NLRC5: variants seen among roughly 807,000 people sequenced by gnomAD.
NLRC5 encodes protein NLRC5.
NLRC5 carries 114 observed loss-of-function variants against 206.9 expected under a neutral mutation model. The ratio of observed to expected loss-of-function variants is 0.55; its 90% CI spans 0.47 to 0.64. NLRC5 has a LOEUF of 0.64. Ranked by LOEUF, NLRC5 falls within the 30% of genes least tolerant of loss-of-function variation. The probability of loss-of-function intolerance (pLI) is 0.00; values close to 1 mark genes in which losing one functional copy is unlikely to be tolerated. For missense variants in NLRC5, 2,008 were observed against 2,305.5 expected (o/e 0.87, Z 2.64); for synonymous variants, 952 against 962.8 (o/e 0.99, Z 0.21).
intron 13 of NLRC5, among the ~76,000 whole-genome samples, chr16:57,035,712 G>A (rs563418212): frequency 1.0e-3 from 154 of 152,174 alleles, no homozygotes; most frequent in Non-Finnish European, 1.9e-3. Flanking sequence ...ATCACAAAAA[G>A]CAATTATGTA....
rs773443195 is a variant in NLRC5 at position 57,026,072 on chromosome 16, A to C, written c.1129A>C (p.Asn377His). The C allele has an allele frequency of 6.2e-7, 1 of 1,614,090 alleles. No individual in the cohort carries two copies. Among genetic ancestry groups the C allele is most frequent in the East Asian group, 2.2e-5 (1 of 44,864 alleles). Residue 377 changes from asparagine (N) to histidine (H), a missense_variant, in exon 6 of 49, where the codon AAT becomes CAT. By Grantham distance (68) the Asn-to-His change is moderately conservative (BLOSUM62 1). Coordinates refer to ENST00000688547, the MANE Select transcript of NLRC5 (RefSeq NM_001384950.1). The stretch of plus-strand genomic sequence containing the variant: ...TGGGCCACGGGTGGAAGAATATGTG[A>C]ATCACTTCTTCAGCGCCCAGCCATC... The part of the protein sequence containing the change: ...FDGPRVEEYV[N>H]HFFSAQPSRE...
rs1241802402 is a variant in NLRC5 at position 57,026,848 on chromosome 16, C to T, written c.1905C>T (p.Leu635=). ...TGGCCAGTCTCACCGCACAAAGCCT[C>T]CCCTATCAACTGCCCTTCCACAATT... ...PELASLTAQS[L]PYQLPFHNFP... is the part of the protein sequence containing the mutation. The change falls in exon 6 of 49, where the codon CTC becomes CTT. Residue 635 remains leucine (L), a synonymous_variant. Coordinates refer to ENST00000688547, the MANE Select transcript of NLRC5 (RefSeq NM_001384950.1). 1.2e-6 allele frequency: 2 copies of T among 1,614,118 alleles called. No homozygotes were observed. The highest frequency in any genetic ancestry group is 8.5e-7 in the Non-Finnish European group (1 of 1,180,050).
intron 20 of NLRC5, chr16:57,043,883 A>AT (rs11477564): frequency 3.4e-3 from 1,311 of 385,448 alleles, no homozygotes; most frequent in South Asian, 3.8e-3. Context: ...GTCCTTAGAG[A>AT]TTTTTTTTTT....
intron 38 of NLRC5, among the ~76,000 whole-genome samples, chr16:57,073,275 C>G (rs57493853): frequency 0.017 from 2,610 of 152,192 alleles, 68 homozygotes; most frequent in African/African-American, 0.06. Flanking sequence ...CTTCCCTGTC[C>G]GAAGGAAGGG....
intron 6 of NLRC5, among the ~76,000 whole-genome samples, chr16:57,027,653 T>C (rs1467293328): frequency 6.6e-6 from 1 of 152,222 alleles, no homozygotes; most frequent in East Asian, 1.9e-4. Flanking sequence ...TTTTGCTCCA[T>C]TATCCCCTTG....
chr16:57,026,557 C>T lies in NLRC5; in HGVS notation c.1614C>T (p.Thr538=), dbSNP rs772445285. 1.9e-6 allele frequency: 3 copies of T among 1,614,198 alleles called. No homozygotes were observed. The highest frequency in any genetic ancestry group is 2.5e-6 in the Non-Finnish European group (3 of 1,180,048). Reference sequence around the variant, plus strand: ...CCAAGGTGAACAAAGACACACTTACCCAGTATGTTACCCTCCATTCCCGCT... The same window carrying T: ...CCAAGGTGAACAAAGACACACTTACTCAGTATGTTACCCTCCATTCCCGCT... ...ASPKVNKDTL[T]QYVTLHSRWV... The change falls in exon 6 of 49, where the codon ACC becomes ACT. Residue 538 remains threonine (T), a synonymous_variant. Coordinates refer to ENST00000688547, the MANE Select transcript of NLRC5 (RefSeq NM_001384950.1).
At chr16:57,067,880 G>A (rs2067234748) in intron 36 of NLRC5, 52 bp downstream of exon 36, 24 of 1,372,162 alleles carry the variant, frequency 1.7e-5, no homozygotes, top group Non-Finnish European at 2.3e-5. Flanking sequence ...GCCCTGCCCT[G>A]ACACCTCCCG....
chr16:57,015,024 C>A (rs1264145421), intron 1 of NLRC5, among the ~76,000 whole-genome samples: 2 of 151,814 alleles, frequency 1.3e-5, no homozygotes, highest in African/African-American at 4.8e-5. Context: ...TGCCTCCTGG[C>A]TTCAAGTGAT....
intron 24 of NLRC5, among the ~76,000 whole-genome samples, chr16:57,052,108 G>A (rs1165193916): frequency 6.6e-6 from 1 of 152,164 alleles, no homozygotes; most frequent in African/African-American, 2.4e-5. Context: ...CTCGCAAAAA[G>A]GGAATTTAAG....
rs1672866 is a variant in NLRC5 at position 57,037,463 on chromosome 16, T to A, written c.2801+179T>A. The stretch of plus-strand genomic sequence containing the variant: ...AGCTGCTGTGGATATAGGCTGCTCA[T>A]GGTTTATACCTCTGGAGAACTACCC... On this transcript the variant is annotated intron_variant, in intron 15 of 48. Coordinates refer to ENST00000688547, the MANE Select transcript of NLRC5 (RefSeq NM_001384950.1). Among the ~76,000 whole-genome samples, 470 of 151,990 alleles carry A rather than the reference T, an allele frequency of 3.1e-3. 3 individuals carry two copies. Among genetic ancestry groups the A allele is most frequent in the African/African-American group, 0.011 (435 of 41,396 alleles).
At chr16:57,055,176 T>G in intron 26 of NLRC5, 82 bp downstream of exon 26, 1 of 1,409,044 alleles carries the variant, frequency 7.1e-7, no homozygotes, top group Non-Finnish European at 1.0e-6. Flanking sequence ...CAGAGCAGTA[T>G]GCAGACTGCC....
rs969948546 is a variant in NLRC5 at position 57,061,532 on chromosome 16, G to A, written c.4070+1G>A. 6 of 1,609,674 alleles carry A rather than the reference G, an allele frequency of 3.7e-6. No individual in the cohort carries two copies. The highest frequency in any genetic ancestry group is 1.1e-5 in the South Asian group (1 of 91,092). On this transcript the variant is annotated splice_donor_variant, in intron 31 of 48. Transcript: ENST00000688547. LOFTEE classifies it high-confidence loss of function. ...AGTCCCTGCAGCTGACGGAGCTCAC[G>A]TGAGTGACCCACCCAGCCCGTGAGG...
intron 21 of NLRC5, among the ~76,000 whole-genome samples, 179 bp from the exon 22 acceptor site, chr16:57,046,373 A>T (rs1355175213): frequency 6.6e-6 from 1 of 152,148 alleles, no homozygotes; most frequent in South Asian, 2.1e-4. Context: ...CTGAGCTAGG[A>T]TCTAGTGACT....
At chr16:57,009,043 A>G (rs2059208764) in intron 1 of NLRC5, among the ~76,000 whole-genome samples, 1 of 152,236 alleles carries the variant, frequency 6.6e-6, no homozygotes, top group South Asian at 2.1e-4. Flanking sequence ...CTGTAATCCC[A>G]GCACTTTGGG....
chr16:57,057,963 G>T, intron 27 of NLRC5, 102 bp from the exon 28 acceptor site: 1 of 898,356 alleles, frequency 1.1e-6, no homozygotes, highest in Non-Finnish European at 1.8e-6. Context: ...CTGACATGGG[G>T]TCCAGTAGCA....
chr16:57,067,327 A>G lies in NLRC5; in HGVS notation c.4323-60A>G, dbSNP rs1236304844. 1.2e-5 allele frequency: 16 copies of G among 1,363,792 alleles called. No homozygotes were observed. The Admixed American group carries it at 2.5e-4, about 22-fold the overall frequency. 84.5% of individuals were successfully genotyped at this position (1,363,792 alleles called of 1,614,324 possible). A position where few individuals can be genotyped will look rare whatever the true frequency, so the allele number is the denominator to read the frequency against. Reference sequence around the variant, plus strand: ...CACCATAAGCTCCTTGCAGGCAGATACTGAATCCCACATACTGGACTAGAT... The same window carrying G: ...CACCATAAGCTCCTTGCAGGCAGATGCTGAATCCCACATACTGGACTAGAT... On this transcript the variant is annotated intron_variant, in intron 34 of 48. Transcript: ENST00000688547.
intron 45 of NLRC5, 34 bp from the exon 46 acceptor site, chr16:57,079,512 C>CCCCAT (rs2068864207): frequency 6.3e-7 from 1 of 1,584,192 alleles, no homozygotes; most frequent in Non-Finnish European, 8.7e-7. Flanking sequence ...CTCAAACAAC[C>CCCCAT]CCCATCCCAT....
intron 1 of NLRC5, among the ~76,000 whole-genome samples, chr16:57,010,755 T>C (rs1484311601): frequency 1.3e-5 from 2 of 152,234 alleles, no homozygotes; most frequent in African/African-American, 4.8e-5. Flanking sequence ...CTATTTCTCT[T>C]TTATTTCACG....
At chr16:57,045,824 G>T (rs1354578903) in intron 21 of NLRC5, among the ~76,000 whole-genome samples, 1 of 152,230 alleles carries the variant, frequency 6.6e-6, no homozygotes, top group South Asian at 2.1e-4. Context: ...GCGTTTCGGG[G>T]AATTTTGTAG....
Sources: allele counts gnomAD v4.1 joint callset (sites outside exome capture counted in the v4.1 genomes callset), GRCh38; gene constraint gnomAD v4.1.1; transcripts MANE v1.5; gene names NCBI Gene and HGNC (gene_info 2026-07-23, HGNC 2026-07-21).